SPATA17: variants seen among roughly 807,000 people sequenced by gnomAD.
The protein encoded by SPATA17 is spermatogenesis-associated protein 17.
In SPATA17, 53 loss-of-function variants were observed where a neutral mutation model predicts 62.2. The observed-to-expected ratio is 0.85, with a 90% confidence interval of 0.68 to 1.07. SPATA17 has a LOEUF of 1.07. Ranked by LOEUF, SPATA17 falls within the 50% of genes least tolerant of loss-of-function variation. The pLI, the probability that SPATA17 is intolerant of heterozygous loss-of-function variation, is 0.00. For missense variants in SPATA17, 466 were observed against 425.5 expected (o/e 1.10, Z -0.84); for synonymous variants, 146 against 146.8 (o/e 0.99, Z 0.04).
chr1:217,669,915 C>T (rs1032084399), intron 4 of SPATA17, among the ~76,000 whole-genome samples: 2 of 152,012 alleles, frequency 1.3e-5, no homozygotes, highest in Admixed American at 6.6e-5. Flanking sequence ...TTCAGGTGAG[C>T]GTGCTGGTAG....
At chr1:217,660,835 T>C (rs1670550288) in intron 3 of SPATA17, among the ~76,000 whole-genome samples, 1 of 152,196 alleles carries the variant, frequency 6.6e-6, no homozygotes, top group Non-Finnish European at 1.5e-5. Context: ...TATTTTTATC[T>C]CAGCAAAGCT....
intron 3 of SPATA17, among the ~76,000 whole-genome samples, chr1:217,658,632 C>A (rs1670495193): frequency 6.6e-6 from 1 of 152,036 alleles, no homozygotes; most frequent in Non-Finnish European, 1.5e-5. Flanking sequence ...GTGGCAGGTG[C>A]CTGTAGTCCT....
intron 5 of SPATA17, among the ~76,000 whole-genome samples, chr1:217,724,354 G>A (rs996184241): frequency 6.6e-6 from 1 of 152,072 alleles, no homozygotes; most frequent in African/African-American, 2.4e-5. Flanking sequence ...TTGGGAGGCC[G>A]AGGTGGGTGG....
intron 6 of SPATA17, among the ~76,000 whole-genome samples, chr1:217,766,184 TA>T (rs1250660702): frequency 7.9e-5 from 12 of 152,052 alleles, no homozygotes; most frequent in South Asian, 2.1e-4. Flanking sequence ...TAGTTACAGA[TA>T]TTAGTTGAAT....
intron 6 of SPATA17, 89 bp from the exon 7 acceptor site, chr1:217,774,245 A>C (rs901722743): frequency 1.8e-6 from 2 of 1,117,886 alleles, no homozygotes; most frequent in African/African-American, 3.2e-5. Context: ...ATATTCTTTA[A>C]ACATAAGAAA....
intron 4 of SPATA17, among the ~76,000 whole-genome samples, chr1:217,676,147 G>C (rs1670942331): frequency 6.6e-6 from 1 of 152,128 alleles, no homozygotes; most frequent in Admixed American, 6.5e-5. Context: ...GAATTAGATG[G>C]CTCATGACGA....
rs560229753 is a variant in SPATA17, at chr1:217,696,181, G to T, written c.395+12820G>T. ...GTAGGACCCTCCGAGCCAGGTGTGGGATATAGTCTCGTGGTGCACCGTTTT... is the reference window on the plus strand; with the variant it reads ...GTAGGACCCTCCGAGCCAGGTGTGGTATATAGTCTCGTGGTGCACCGTTTT... On this transcript the variant is annotated intron_variant, in intron 5 of 10. Transcript: ENST00000366933. Among the ~76,000 whole-genome samples, 6 of 152,336 alleles carry T rather than the reference G, an allele frequency of 3.9e-5. No homozygotes were observed. The East Asian group carries it at 1.2e-3, about 29-fold the overall frequency.
intron 9 of SPATA17, among the ~76,000 whole-genome samples, chr1:217,805,883 C>T (rs1166231318): frequency 6.6e-6 from 1 of 152,176 alleles, no homozygotes; most frequent in East Asian, 1.9e-4. Flanking sequence ...TGTTGAGTTA[C>T]TGCAGGTGTA....
intron 1 of SPATA17, among the ~76,000 whole-genome samples, chr1:217,647,848 G>T (rs1558550607): frequency 1.3e-5 from 2 of 151,824 alleles, no homozygotes; most frequent in South Asian, 4.2e-4. Flanking sequence ...CTCGGCCCCC[G>T]AGTAGCTGGG....
Position 217,766,392 on chromosome 1 carries a change from C to G in SPATA17, c.520-7942C>G, listed in dbSNP as rs556202869. On this transcript the variant is annotated intron_variant, in intron 6 of 10. Coordinates refer to ENST00000366933, the MANE Select transcript of SPATA17 (RefSeq NM_138796.4). ...AGTAGTTGCCCTAAAGTTTGCAATA[C>G]ACATTTGCAACTCATCCAACTCCAC... Among the ~76,000 whole-genome samples the G allele has an allele frequency of 5.9e-5, 9 of 151,906 alleles. No individual in the cohort carries two copies. In the South Asian group the frequency reaches 1.7e-3, roughly 28 times the overall value.
At chr1:217,698,217 T>A (rs1227716915) in intron 5 of SPATA17, among the ~76,000 whole-genome samples, 1 of 152,112 alleles carries the variant, frequency 6.6e-6, no homozygotes, top group African/African-American at 2.4e-5. Context: ...GGCGGGCAGA[T>A]CACCTTGGGA....
At chr1:217,660,439 A>G (rs529741143) in intron 3 of SPATA17, among the ~76,000 whole-genome samples, 2 of 152,352 alleles carry the variant, frequency 1.3e-5, no homozygotes, top group South Asian at 4.1e-4. Flanking sequence ...TCACAGGGAT[A>G]CAAGTTGGAA....
intron 5 of SPATA17, among the ~76,000 whole-genome samples, chr1:217,735,190 G>C (rs1031656119): frequency 3.3e-5 from 5 of 152,184 alleles, no homozygotes; most frequent in Non-Finnish European, 7.4e-5. Context: ...ACCGGTCTTA[G>C]TCAGTTTGGG....
intron 9 of SPATA17, chr1:217,850,599 G>C: frequency 6.3e-7 from 1 of 1,595,370 alleles, no homozygotes; most frequent in Non-Finnish European, 8.6e-7. Flanking sequence ...AAGGGTGATG[G>C]TCTTGCCAGT....
At chr1:217,702,865 A>G (rs1671631944) in intron 5 of SPATA17, among the ~76,000 whole-genome samples, 1 of 151,586 alleles carries the variant, frequency 6.6e-6, no homozygotes, top group East Asian at 1.9e-4. Flanking sequence ...TTTTTCAGGT[A>G]TTTGAACATA....
intron 6 of SPATA17, among the ~76,000 whole-genome samples, chr1:217,750,818 C>CT (rs1328403806): frequency 6.6e-6 from 1 of 152,164 alleles, no homozygotes; most frequent in Non-Finnish European, 1.5e-5. Context: ...TCTTTCCAGC[C>CT]TTCTCTCTTA....
At chr1:217,724,067 T>G (rs1672201503) in intron 5 of SPATA17, among the ~76,000 whole-genome samples, 1 of 152,240 alleles carries the variant, frequency 6.6e-6, no homozygotes, top group Admixed American at 6.5e-5. Flanking sequence ...CCATGACAAG[T>G]TACATTTTCT....
intron 9 of SPATA17, among the ~76,000 whole-genome samples, chr1:217,839,551 G>A (rs1558072038): frequency 6.6e-6 from 1 of 151,920 alleles, no homozygotes; most frequent in Non-Finnish European, 1.5e-5. Context: ...ACAGTCTCGG[G>A]ACAGGACTTG....
chr1:217,788,730 A>G (rs1207772043), intron 8 of SPATA17, among the ~76,000 whole-genome samples: 4 of 152,156 alleles, frequency 2.6e-5, no homozygotes, highest in African/African-American at 9.7e-5. Flanking sequence ...GATCCTCTAG[A>G]AGGAACGAAG....
Sources: gnomAD v4.1 joint callset for allele counts (sites outside exome capture counted in the v4.1 genomes callset) on GRCh38, gnomAD v4.1.1 for gene constraint, MANE v1.5 for transcripts, NCBI Gene and HGNC (gene_info 2026-07-23, HGNC 2026-07-21) for gene names.